The following IL1RAPL2 variants were observed in gnomAD, a reference collection of about 807,000 sequenced individuals.
The protein encoded by IL1RAPL2 is X-linked interleukin-1 receptor accessory protein-like 2.
In IL1RAPL2, 3 loss-of-function variants were observed where a neutral mutation model predicts 44.1. That is an observed-to-expected ratio of 0.07 (90% confidence interval 0.03 to 0.18). The LOEUF (loss-of-function observed/expected upper bound fraction) is 0.18, where lower values mean the gene tolerates loss of function less well. Ranked by LOEUF, IL1RAPL2 falls within the 10% of genes least tolerant of loss-of-function variation. The pLI, the probability that IL1RAPL2 is intolerant of heterozygous loss-of-function variation, is 1.00. For synonymous variants in IL1RAPL2, 181 were observed against 178.8 expected, an observed-to-expected ratio of 1.01 and a Z score of -0.10; for missense variants, 391 against 496.4, an observed-to-expected ratio of 0.79 and a Z score of 2.02.
intron 5 of IL1RAPL2, among the ~76,000 whole-genome samples, chrX:105,340,935 G>A (rs1260571105): frequency 2.7e-5 from 3 of 112,057 alleles, no homozygotes; most frequent in African/African-American, 9.7e-5. Flanking sequence ...TGTCTCAATA[G>A]TTCCTGCTTG....
chrX:104,736,049 C>A (rs147478252), intron 2 of IL1RAPL2, among the ~76,000 whole-genome samples: 2,319 of 110,610 alleles, frequency 0.021, 34 homozygotes, highest in Non-Finnish European at 0.032. Context: ...TGAGTTCTTT[C>A]TCCCCTCCTC....
chrX:105,577,533 ATTG>A (rs918920792), intron 6 of IL1RAPL2, among the ~76,000 whole-genome samples: 6 of 110,347 alleles, frequency 5.4e-5, no homozygotes, highest in African/African-American at 1.6e-4. Context: ...CCTCAATAAT[ATTG>A]TTGTGATTAA....
At chrX:105,000,335 T>G (rs1189342030) in intron 2 of IL1RAPL2, among the ~76,000 whole-genome samples, 1 of 111,847 alleles carries the variant, frequency 8.9e-6, no homozygotes, top group African/African-American at 3.2e-5. Context: ...GGTTAGTGAC[T>G]TAACAGAAAA....
intron 5 of IL1RAPL2, among the ~76,000 whole-genome samples, chrX:105,290,968 G>A (rs1334257929): frequency 9.0e-6 from 1 of 111,320 alleles, no homozygotes; most frequent in Non-Finnish European, 1.9e-5. Context: ...GGCTCTGAAG[G>A]GCCATCAAAT....
chrX:104,707,261 A>T (rs1438214369), intron 2 of IL1RAPL2, among the ~76,000 whole-genome samples: 4 of 111,670 alleles, frequency 3.6e-5, no homozygotes, highest in Non-Finnish European at 7.6e-5. Flanking sequence ...CGAGGTTTTT[A>T]GCCTACTCTT....
intron 2 of IL1RAPL2, among the ~76,000 whole-genome samples, chrX:104,671,026 T>C (rs1490379840): frequency 1.8e-5 from 2 of 111,589 alleles, no homozygotes; most frequent in African/African-American, 3.3e-5. Context: ...ATATATGGCA[T>C]ACAAGACCCT....
chrX:104,908,576 T>C (rs1924117105), intron 2 of IL1RAPL2, among the ~76,000 whole-genome samples: 1 of 111,410 alleles, frequency 9.0e-6, no homozygotes, highest in Non-Finnish European at 1.9e-5. Context: ...TTAGTTTGGC[T>C]GGATATGAAA....
At chrX:105,735,163 TA>T (rs1433830299) in intron 7 of IL1RAPL2, among the ~76,000 whole-genome samples, 1 of 111,577 alleles carries the variant, frequency 9.0e-6, no homozygotes, top group African/African-American at 3.3e-5. Context: ...GTACTAATAG[TA>T]CCAATCTAAA....
At chrX:105,039,540 T>C (rs2031684951) in intron 2 of IL1RAPL2, among the ~76,000 whole-genome samples, 2 of 111,900 alleles carry the variant, frequency 1.8e-5, no homozygotes, top group Non-Finnish European at 3.8e-5. Flanking sequence ...TTAAAGACAA[T>C]GATTACCCAC....
intron 2 of IL1RAPL2, among the ~76,000 whole-genome samples, chrX:105,175,771 A>T (rs1417252499): frequency 9.0e-6 from 1 of 111,082 alleles, no homozygotes; most frequent in East Asian, 2.8e-4. Context: ...TAATATCAGG[A>T]TTCCTTTAAC....
At chrX:105,074,046 T>C (rs1726336504) in intron 2 of IL1RAPL2, among the ~76,000 whole-genome samples, 1 of 111,673 alleles carries the variant, frequency 9.0e-6, no homozygotes, top group Non-Finnish European at 1.9e-5. Flanking sequence ...TTTAGTTTAA[T>C]TAGATCCCAT....
intron 2 of IL1RAPL2, among the ~76,000 whole-genome samples, chrX:105,043,683 A>G (rs770986173): frequency 1.8e-5 from 2 of 111,088 alleles, no homozygotes; most frequent in Non-Finnish European, 3.8e-5. Context: ...GTAGGTAGGC[A>G]TTTTTCTAGT....
chrX:105,582,981 A>G (rs2037099724), intron 6 of IL1RAPL2, among the ~76,000 whole-genome samples: 1 of 110,844 alleles, frequency 9.0e-6, no homozygotes, highest in South Asian at 3.8e-4. Context: ...TACGGACTTC[A>G]TAAGTTGGGA....
At chrX:105,405,437 T>C (rs906095566) in intron 5 of IL1RAPL2, among the ~76,000 whole-genome samples, 3 of 112,062 alleles carry the variant, frequency 2.7e-5, no homozygotes, top group East Asian at 2.8e-4. Context: ...TATAATATAT[T>C]TGGAGCCTTT....
intron 2 of IL1RAPL2, among the ~76,000 whole-genome samples, chrX:104,730,280 A>G (rs890167390): frequency 9.3e-6 from 1 of 107,291 alleles, no homozygotes; most frequent in Non-Finnish European, 1.9e-5. Context: ...TGTGCAGGTT[A>G]GTTACATATG....
chrX:104,662,827 C>A lies in IL1RAPL2; in HGVS notation c.82+3832C>A, dbSNP rs376449713. 6.3e-5 allele frequency among the ~76,000 whole-genome samples: 7 copies of A among 111,990 alleles called. 1 individual carries two copies. The highest frequency in any genetic ancestry group is 1.9e-4 in the Admixed American group (2 of 10,499). On this transcript the variant is annotated intron_variant, in intron 2 of 10. Coordinates refer to ENST00000372582, the MANE Select transcript of IL1RAPL2 (RefSeq NM_017416.2). Reference sequence around the variant, plus strand: ...TGCAGTTGTTGGCATTCAGTTCTTCCAGCATGGACCTCTGTATCAGAGAAA... The same window carrying A: ...TGCAGTTGTTGGCATTCAGTTCTTCAAGCATGGACCTCTGTATCAGAGAAA...
At chrX:105,091,540 G>A (rs769855237) in intron 2 of IL1RAPL2, among the ~76,000 whole-genome samples, 2 of 111,292 alleles carry the variant, frequency 1.8e-5, no homozygotes, top group South Asian at 3.8e-4. Flanking sequence ...AGCAAACCAG[G>A]ATGGTTAGTC....
At chrX:104,587,925 A>G (rs1003487647) in intron 1 of IL1RAPL2, among the ~76,000 whole-genome samples, 2 of 111,968 alleles carry the variant, frequency 1.8e-5, no homozygotes, top group African/African-American at 6.5e-5. Flanking sequence ...TATGTTAGGT[A>G]TTCATTATGT....
chrX:104,750,877 TA>T (rs1049373074), intron 2 of IL1RAPL2, among the ~76,000 whole-genome samples: 2 of 109,224 alleles, frequency 1.8e-5, no homozygotes, highest in Non-Finnish European at 3.8e-5. Flanking sequence ...AAACCCAAAT[TA>T]AAAAAAAACC....
Sources: allele counts gnomAD v4.1 joint callset (sites outside exome capture counted in the v4.1 genomes callset), GRCh38; gene constraint gnomAD v4.1.1; transcripts MANE v1.5; gene names NCBI Gene and HGNC (gene_info 2026-07-23, HGNC 2026-07-21).